Variants in SKAP1 observed in about 807,000 individuals in gnomAD.
SKAP1 encodes the protein src kinase associated phosphoprotein 1.
SKAP1 carries 44 observed loss-of-function variants against 58.5 expected under a neutral mutation model. That is an observed-to-expected ratio of 0.75 (90% CI 0.59 to 0.97). SKAP1 has a LOEUF of 0.97. Among genes scored for constraint, SKAP1 ranks in the 50% least tolerant of loss-of-function variants. The pLI is 0.00. For synonymous variants in SKAP1, 127 were observed against 149.7 expected, an observed-to-expected ratio of 0.85 and a Z score of 1.11; for missense variants, 390 against 435.2, an observed-to-expected ratio of 0.90 and a Z score of 0.92.
At chr17:48,364,506 C>T (rs1202982552) in intron 2 of SKAP1, among the ~76,000 whole-genome samples, 1 of 152,134 alleles carries the variant, frequency 6.6e-6, no homozygotes, top group Non-Finnish European at 1.5e-5. Flanking sequence ...GAAACCCTGT[C>T]TCTACTAAAA....
chr17:48,410,934 C>CAAAAAAAAAA (rs61705374), intron 1 of SKAP1, among the ~76,000 whole-genome samples: 125 of 66,898 alleles, frequency 1.9e-3, no homozygotes, highest in African/African-American at 2.5e-3. Flanking sequence ...GACTCCATTT[C>CAAAAAAAAAA]AAAAAAAAAA....
chr17:48,418,936 G>A (rs2067763278), intron 1 of SKAP1, among the ~76,000 whole-genome samples: 1 of 152,204 alleles, frequency 6.6e-6, no homozygotes, highest in African/African-American at 2.4e-5. Flanking sequence ...ATGGAAGGTG[G>A]TGTGGGTGTA....
intron 1 of SKAP1, among the ~76,000 whole-genome samples, chr17:48,414,351 C>T (rs2144591624): frequency 6.6e-6 from 1 of 152,096 alleles, no homozygotes; most frequent in East Asian, 1.9e-4. Flanking sequence ...AAAAGAATGG[C>T]CCAGGCATGG....
At chr17:48,238,080 G>A (rs1246501991) in intron 4 of SKAP1, among the ~76,000 whole-genome samples, 23 of 151,902 alleles carry the variant, frequency 1.5e-4, no homozygotes, top group African/African-American at 4.6e-4. Context: ...TGCAAGCTCC[G>A]CCTCCTGAGT....
intron 4 of SKAP1, among the ~76,000 whole-genome samples, chr17:48,237,639 A>G (rs1240302789): frequency 1.3e-5 from 2 of 152,184 alleles, no homozygotes; most frequent in Non-Finnish European, 2.9e-5. Flanking sequence ...AAAGATAGGG[A>G]GATTAACTGG....
intron 1 of SKAP1, among the ~76,000 whole-genome samples, chr17:48,411,166 G>T (rs2067660350): frequency 6.6e-6 from 1 of 151,812 alleles, no homozygotes; most frequent in South Asian, 2.1e-4. Flanking sequence ...TTGGGAAGCT[G>T]AGACGGGCAG....
At chr17:48,311,509 C>G (rs1357281307) in intron 4 of SKAP1, among the ~76,000 whole-genome samples, 1 of 152,102 alleles carries the variant, frequency 6.6e-6, no homozygotes, top group Non-Finnish European at 1.5e-5. Flanking sequence ...AGAGGTGGAG[C>G]AGCAAGGGAT....
At chr17:48,141,365 T>A (rs896729122) in intron 11 of SKAP1, among the ~76,000 whole-genome samples, 1 of 116,096 alleles carries the variant, frequency 8.6e-6, no homozygotes, top group African/African-American at 3.5e-5. Context: ...CAATGCCCCT[T>A]GTTAACTGGT....
Position 48,137,292 on chromosome 17 carries a change from C to G in SKAP1, c.1024G>C (p.Val342Leu). ...AGATACTCCTTTGGAACAATCCCAACGAGGCTGTTCAGTTCTCCCACCCAC... is the reference window on the plus strand; with the variant it reads ...AGATACTCCTTTGGAACAATCCCAAGGAGGCTGTTCAGTTCTCCCACCCAC... ...GWWVGELNSL[V>L]GIVPKEYLTT... The change falls in exon 12 of 13, where the codon GTT (valine) becomes CTT (leucine). Residue 342 changes from valine to leucine, a missense_variant. Val to Leu is a conservative substitution (Grantham distance 32). Transcript: ENST00000336915. 1.9e-6 allele frequency: 3 copies of G among 1,613,850 alleles called. No homozygotes were observed. Among genetic ancestry groups the G allele is most frequent in the Non-Finnish European group, 2.5e-6 (3 of 1,179,808 alleles).
chr17:48,300,214 G>C (rs2066039520), intron 4 of SKAP1, among the ~76,000 whole-genome samples: 1 of 152,112 alleles, frequency 6.6e-6, no homozygotes, highest in African/African-American at 2.4e-5. Context: ...AGCATGGGGA[G>C]AATGTGGAGA....
chr17:48,405,299 A>C (rs973381272), intron 1 of SKAP1, among the ~76,000 whole-genome samples: 14 of 152,124 alleles, frequency 9.2e-5, no homozygotes, highest in African/African-American at 3.4e-4. Context: ...ATATCATTTC[A>C]ATATGTAACC....
chr17:48,271,375 T>C (rs2143984733), intron 4 of SKAP1, among the ~76,000 whole-genome samples: 1 of 146,522 alleles, frequency 6.8e-6, no homozygotes, highest in East Asian at 1.9e-4. Flanking sequence ...TTTTTTTTTT[T>C]TTTTTTTTTG....
chr17:48,228,209 G>C (rs1377295846), intron 4 of SKAP1, among the ~76,000 whole-genome samples: 1 of 152,030 alleles, frequency 6.6e-6, no homozygotes, highest in Non-Finnish European at 1.5e-5. Context: ...GAGATAGAGA[G>C]ATAGAGAGAT....
At chr17:48,157,238 CTTTT>C (rs11314766) in intron 11 of SKAP1, among the ~76,000 whole-genome samples, 4 of 143,306 alleles carry the variant, frequency 2.8e-5, no homozygotes, top group Admixed American at 6.9e-5. Flanking sequence ...TGGGGAGCAT[CTTTT>C]TTTTTTTTTT....
chr17:48,386,951 TAGAACA>T (rs2067285987), intron 2 of SKAP1, among the ~76,000 whole-genome samples: 1 of 152,220 alleles, frequency 6.6e-6, no homozygotes, highest in African/African-American at 2.4e-5. Context: ...TATGGCAGCA[TAGAACA>T]CTGGCTGGAA....
intron 2 of SKAP1, among the ~76,000 whole-genome samples, chr17:48,391,270 A>G (rs2067341968): frequency 6.6e-6 from 1 of 152,194 alleles, no homozygotes; most frequent in African/African-American, 2.4e-5. Flanking sequence ...AGCCTCACAT[A>G]TGAAAGAATA....
intron 4 of SKAP1, among the ~76,000 whole-genome samples, chr17:48,234,699 T>G (rs2065160994): frequency 6.6e-6 from 1 of 152,102 alleles, no homozygotes; most frequent in African/African-American, 2.4e-5. Context: ...AGAAATACAT[T>G]CTATTTTCAA....
chr17:48,274,899 A>G (rs1392683676), intron 4 of SKAP1, among the ~76,000 whole-genome samples: 1 of 152,068 alleles, frequency 6.6e-6, no homozygotes, highest in African/African-American at 2.4e-5. Context: ...CCAAAAAGGA[A>G]GAGGCTCTAC....
intron 11 of SKAP1, among the ~76,000 whole-genome samples, chr17:48,149,113 C>A: frequency 6.6e-6 from 1 of 152,214 alleles, no homozygotes; most frequent in East Asian, 1.9e-4. Context: ...CCAGGGCCAA[C>A]CCTGTCTCTG....
Sources: gnomAD v4.1 joint callset for allele counts (sites outside exome capture counted in the v4.1 genomes callset) on GRCh38, gnomAD v4.1.1 for gene constraint, MANE v1.5 for transcripts, NCBI Gene and HGNC (gene_info 2026-07-23, HGNC 2026-07-21) for gene names.